The following MREG variants were observed in gnomAD, a reference collection of about 807,000 sequenced individuals.
The protein encoded by MREG is melanoregulin.
Under a neutral mutation model 28.5 loss-of-function variants are expected in MREG, and 31 were observed. That is an observed-to-expected ratio of 1.09 (90% CI 0.82 to 1.47). MREG has a LOEUF of 1.47. Among genes scored for constraint, MREG ranks in the 40% most tolerant of loss-of-function variants. The pLI is 0.00. For synonymous variants in MREG, 106 were observed against 95.2 expected (o/e 1.11, Z -0.66); for missense variants, 256 against 257.4 (o/e 0.99, Z 0.04).
chr2:216,025,828 G>A (rs1007588141), intron 1 of MREG, among the ~76,000 whole-genome samples: 12 of 152,228 alleles, frequency 7.9e-5, no homozygotes, highest in African/African-American at 1.9e-4. Flanking sequence ...AAATCCATCC[G>A]TGTGGGCAGT....
At chr2:216,015,571 T>C (rs116899508), upstream of MREG, among the ~76,000 whole-genome samples, 138 of 152,286 alleles carry the variant, frequency 9.1e-4, 5 homozygotes, top group East Asian at 0.012. Flanking sequence ...GGGAACGATA[T>C]GGTCTAACTG....
At chr2:216,021,083 T>G (rs1230853651) in intron 1 of MREG, among the ~76,000 whole-genome samples, 1 of 152,200 alleles carries the variant, frequency 6.6e-6, no homozygotes, top group Non-Finnish European at 1.5e-5. Context: ...TGGACCCTAT[T>G]TGACATCATC....
At chr2:215,997,587 C>G (rs376505966) in intron 1 of MREG, among the ~76,000 whole-genome samples, 28 of 152,252 alleles carry the variant, frequency 1.8e-4, no homozygotes, top group African/African-American at 6.0e-4. Context: ...TCACTAGAGT[C>G]TAGCATGGGA....
chr2:216,006,029 T>C (rs1694145965), intron 1 of MREG, among the ~76,000 whole-genome samples: 1 of 152,176 alleles, frequency 6.6e-6, no homozygotes, highest in Non-Finnish European at 1.5e-5. Context: ...CTTCAGGTGC[T>C]AACAGAATAA....
intron 2 of MREG, among the ~76,000 whole-genome samples, chr2:215,982,670 C>G (rs1693463115): frequency 6.6e-6 from 1 of 152,066 alleles, no homozygotes. Flanking sequence ...TGTCTTTGAC[C>G]AAAGAGGTTC....
intron 2 of MREG, among the ~76,000 whole-genome samples, chr2:215,964,205 C>T (rs555649602): frequency 7.1e-4 from 108 of 152,166 alleles, no homozygotes; most frequent in African/African-American, 2.4e-3. Context: ...AAAGTCAGGC[C>T]AGGTGTGGTG....
intron 2 of MREG, among the ~76,000 whole-genome samples, chr2:215,967,115 C>A (rs938259637): frequency 6.6e-6 from 1 of 152,150 alleles, no homozygotes; most frequent in Admixed American, 6.5e-5. Context: ...TTTATAATTA[C>A]CCCAGTCTTT....
chr2:215,976,316 T>C (rs62183218), intron 2 of MREG, among the ~76,000 whole-genome samples: 29,743 of 152,148 alleles, frequency 0.2, 3,107 homozygotes, highest in East Asian at 0.39. Context: ...CTAGAGCCTT[T>C]ATTTGAAATA....
chr2:216,006,352 C>T (rs756303334), intron 1 of MREG, among the ~76,000 whole-genome samples: 10 of 152,372 alleles, frequency 6.6e-5, no homozygotes, highest in Admixed American at 3.9e-4. Context: ...GTCCCTGGGA[C>T]AGCACTCATG....
chr2:216,004,630 T>C (rs1320550661), intron 1 of MREG, among the ~76,000 whole-genome samples: 1 of 151,986 alleles, frequency 6.6e-6, no homozygotes, highest in Non-Finnish European at 1.5e-5. Flanking sequence ...ACCAATGCAC[T>C]CTTGTTTCCC....
chr2:215,998,291 G>A (rs1336616277), intron 1 of MREG, among the ~76,000 whole-genome samples: 1 of 144,070 alleles, frequency 6.9e-6, no homozygotes, highest in African/African-American at 2.6e-5. Flanking sequence ...GGCGACAAGA[G>A]CAAAACTCCA....
chr2:216,005,716 G>T (rs1362592520), intron 1 of MREG, among the ~76,000 whole-genome samples: 2 of 151,852 alleles, frequency 1.3e-5, no homozygotes, highest in Non-Finnish European at 2.9e-5. Flanking sequence ...GCCTCCCAAA[G>T]TGTTGGGATT....
At position 215,996,258 on chromosome 2, in the gene MREG, T is replaced by C. The variant is rs775657845; in HGVS notation, c.255+48A>G. The C allele has an allele frequency of 3.3e-6, 5 of 1,532,210 alleles. No individual in the cohort carries two copies. In the African/African-American group the frequency reaches 5.6e-5, roughly 17 times the overall value. The allele number at this position is 1,532,210 out of a possible 1,614,324, so 94.9% of individuals were successfully genotyped here. On this transcript the variant is annotated intron_variant, in intron 2 of 4. Coordinates refer to ENST00000263268, the MANE Select transcript of MREG (RefSeq NM_018000.3). Reference sequence around the variant, plus strand: ...GATCTTCTCAGGAATTACTATTTTTTACTATATAGCATCATCCGCGCACAG... The same window carrying C: ...GATCTTCTCAGGAATTACTATTTTTCACTATATAGCATCATCCGCGCACAG...
chr2:215,963,620 T>A (rs9808213), intron 2 of MREG, among the ~76,000 whole-genome samples: 36,250 of 152,076 alleles, frequency 0.24, 4,800 homozygotes, highest in South Asian at 0.35. Flanking sequence ...TGTATTTTTA[T>A]TGGGCAGTGC....
intron 2 of MREG, among the ~76,000 whole-genome samples, chr2:215,979,198 T>A (rs1157104337): frequency 6.6e-6 from 1 of 152,180 alleles, no homozygotes; most frequent in African/African-American, 2.4e-5. Flanking sequence ...GCACGGTGGC[T>A]CACGCCTGTA....
Position 215,945,588 on chromosome 2 carries a change from T to C in MREG, c.493A>G (p.Arg165Gly), listed in dbSNP as rs749598732. The C allele has an allele frequency of 1.2e-5, 20 of 1,613,560 alleles. No individual in the cohort carries two copies. In the Admixed American group the frequency reaches 2.3e-4, roughly 19 times the overall value. The part of the protein sequence containing the change: ...IFPTSWELSE[R>G]YLFVVDRLIA... ...CCACTTACCACAACAAAGAGATATC[T>C]CTCTGAGAGCTCCCAACTTGTTGGG... The change falls in exon 4 of 5, where the codon AGA becomes GGA. Residue 165 changes from arginine to glycine, a missense_variant. Arg to Gly is a moderately radical substitution (Grantham distance 125, BLOSUM62 -2). Coordinates refer to ENST00000263268, the MANE Select transcript of MREG (RefSeq NM_018000.3).
intron 2 of MREG, among the ~76,000 whole-genome samples, chr2:215,993,367 T>C (rs1349662740): frequency 1.3e-5 from 2 of 152,192 alleles, no homozygotes; most frequent in East Asian, 3.9e-4. Flanking sequence ...TGGCTAGCCA[T>C]ATGCAGAAAA....
chr2:215,952,624 T>C (rs113174223), intron 2 of MREG, among the ~76,000 whole-genome samples: 5,086 of 152,238 alleles, frequency 0.033, 261 homozygotes, highest in African/African-American at 0.11. Context: ...TTTACATATA[T>C]TTTAAACCAT....
rs914635747 is a variant in MREG at position 215,944,793 on chromosome 2, T to G, written c.*70A>C. The G allele has an allele frequency of 3.4e-6, 5 of 1,459,908 alleles. No homozygotes were observed. The highest frequency in any genetic ancestry group is 4.6e-6 in the Non-Finnish European group (5 of 1,075,868). 90.4% of individuals were successfully genotyped at this position (1,459,908 alleles called of 1,614,324 possible). A position where few individuals can be genotyped will look rare whatever the true frequency, so the allele number is the denominator to read the frequency against. On this transcript the variant is annotated 3_prime_UTR_variant, in exon 5 of 5. Transcript: ENST00000263268. ...CTATTTGCTCACTCTCTTCTACATGTAATTGTCCAACTTTGGTTGACTGCT... is the reference window on the plus strand; with the variant it reads ...CTATTTGCTCACTCTCTTCTACATGGAATTGTCCAACTTTGGTTGACTGCT...
Sources: gnomAD v4.1 joint callset for allele counts (sites outside exome capture counted in the v4.1 genomes callset) on GRCh38, gnomAD v4.1.1 for gene constraint, MANE v1.5 for transcripts, NCBI Gene and HGNC (gene_info 2026-07-23, HGNC 2026-07-21) for gene names.